ANK2: variants seen among roughly 807,000 people sequenced by gnomAD.
ANK2 encodes the protein ankyrin-2.
In ANK2, 83 loss-of-function variants were observed where a neutral mutation model predicts 360.5. That is an observed-to-expected ratio of 0.23 (90% CI 0.19 to 0.28). The LOEUF is 0.28. ANK2 is among the 10% of genes least tolerant of loss of function. The pLI, the probability that ANK2 is intolerant of heterozygous loss-of-function variation, is 1.00. For missense variants in ANK2, 4,201 were observed against 4,795.7 expected (o/e 0.88, Z 3.66); for synonymous variants, 1,740 against 1,759.5 (o/e 0.99, Z 0.28).
At chr4:113,076,255 G>A (rs1012454145) in intron 1 of ANK2, among the ~76,000 whole-genome samples, 1 of 152,218 alleles carries the variant, frequency 6.6e-6, no homozygotes, top group Non-Finnish European at 1.5e-5. Flanking sequence ...TTACAAAATT[G>A]TGTTGGGCTG....
the ANK2 span, among the ~76,000 whole-genome samples, chr4:112,706,473 T>G: frequency 6.6e-6 from 1 of 152,074 alleles, no homozygotes; most frequent in Non-Finnish European, 1.5e-5. Context: ...GTGTAACTTC[T>G]GAACGCACGC....
intron 14 of ANK2, among the ~76,000 whole-genome samples, chr4:113,268,863 G>T (rs1347703511): frequency 2.0e-5 from 3 of 152,146 alleles, no homozygotes; most frequent in African/African-American, 7.2e-5. Context: ...ATTCAGCTGT[G>T]AATCCGTCTG....
At chr4:113,292,911 C>T (rs2068577854) in intron 21 of ANK2, 2 of 359,088 alleles carry the variant, frequency 5.6e-6, no homozygotes, top group Non-Finnish European at 1.1e-5. Flanking sequence ...GTAAACTAAG[C>T]GGTGCAATTA....
At chr4:112,911,289 C>T (rs80299725) in intron 2 of ANK2, among the ~76,000 whole-genome samples, 1 of 148,676 alleles carries the variant, frequency 6.7e-6, no homozygotes, top group Non-Finnish European at 1.5e-5. Context: ...GGGCGGATCA[C>T]GAGGTCAGGA....
At chr4:113,370,938 C>G (rs906228331) in intron 43 of ANK2, among the ~76,000 whole-genome samples, 8 of 151,818 alleles carry the variant, frequency 5.3e-5, no homozygotes, top group Non-Finnish European at 8.8e-5. Context: ...AGAGGATTCT[C>G]AGCCACAAAA....
intron 2 of ANK2, among the ~76,000 whole-genome samples, chr4:113,038,054 T>C (rs1295361090): frequency 2.6e-5 from 4 of 152,080 alleles, no homozygotes; most frequent in Non-Finnish European, 4.4e-5. Context: ...TTCTAAGTTA[T>C]GATATACTTT....
chr4:112,759,468 T>G, the ANK2 span, among the ~76,000 whole-genome samples: 2 of 152,172 alleles, frequency 1.3e-5, no homozygotes, highest in East Asian at 3.9e-4. Flanking sequence ...TTACCACATT[T>G]GAATAGCTAT....
chr4:113,217,822 T>A (rs2099103917), intron 4 of ANK2, among the ~76,000 whole-genome samples: 1 of 152,222 alleles, frequency 6.6e-6, no homozygotes, highest in Admixed American at 6.5e-5. Context: ...GTTCCATGTG[T>A]TGTCTACGTG....
chr4:113,120,755 C>T (rs1000236379), intron 1 of ANK2, among the ~76,000 whole-genome samples: 1 of 152,094 alleles, frequency 6.6e-6, no homozygotes, highest in Non-Finnish European at 1.5e-5. Flanking sequence ...TCCTGTCCCT[C>T]CTCCCAACCT....
At chr4:113,056,083 G>GTATC (rs1376330685) in intron 1 of ANK2, among the ~76,000 whole-genome samples, 1 of 152,136 alleles carries the variant, frequency 6.6e-6, no homozygotes, top group Non-Finnish European at 1.5e-5. Flanking sequence ...TGTTGTAGAT[G>GTATC]TATCCATCAG....
intron 2 of ANK2, among the ~76,000 whole-genome samples, chr4:112,961,060 GT>G (rs61530543): frequency 0.027 from 3,738 of 139,338 alleles, 60 homozygotes; most frequent in Middle Eastern, 0.042. Flanking sequence ...CTAAATAACT[GT>G]TTTTTTTTTT....
the ANK2 span, among the ~76,000 whole-genome samples, chr4:112,705,832 A>G: frequency 6.6e-6 from 1 of 152,084 alleles, no homozygotes; most frequent in African/African-American, 2.4e-5. Flanking sequence ...TTCAGAGCAC[A>G]CGCGCCGGGC....
chr4:112,774,798 C>G, the ANK2 span, among the ~76,000 whole-genome samples: 4 of 152,142 alleles, frequency 2.6e-5, no homozygotes, highest in African/African-American at 9.7e-5. Flanking sequence ...GAGGCAGGGG[C>G]TTAAAAACTT....
Position 113,373,096 on chromosome 4 carries a change from G to T in ANK2, c.11617G>T (p.Asp3873Tyr). The T allele has an allele frequency of 6.2e-7, 1 of 1,613,904 alleles. No individual in the cohort carries two copies. Among genetic ancestry groups the T allele is most frequent in the Non-Finnish European group, 8.5e-7 (1 of 1,179,816 alleles). ...TTTTCTCTCAACTGTTTAGGGAGACGATATGCCTGAAATACCCCCAGAAAC... is the reference window on the plus strand; with the variant it reads ...TTTTCTCTCAACTGTTTAGGGAGACTATATGCCTGAAATACCCCCAGAAAC... Reference protein sequence around the residue: ...DEDAAFEKGDDMPEIPPETVT... With the variant: ...DEDAAFEKGDYMPEIPPETVT... The change falls in exon 44 of 46, where the codon GAT (aspartate) becomes TAT (tyrosine). Residue 3873 changes from aspartate to tyrosine, a missense_variant. Physicochemically the swap from Asp to Tyr is radical, Grantham distance 160. Transcript: ENST00000357077.
At position 113,231,459 on chromosome 4, in the gene ANK2, A is replaced by G. The variant is rs138407793; in HGVS notation, c.385-702A>G. Among the ~76,000 whole-genome samples, 615 of 152,324 alleles carry G rather than the reference A, an allele frequency of 4.0e-3. 5 individuals carry two copies. The highest frequency in any genetic ancestry group is 0.014 in the African/African-American group (580 of 41,554). The stretch of plus-strand genomic sequence containing the variant: ...TAACTAAACTCTGTATATTCAAGAT[A>G]ACCATGGTCTGTTTAAATAGTTTAT... On this transcript the variant is annotated intron_variant, in intron 4 of 45. Coordinates refer to ENST00000357077, the MANE Select transcript of ANK2 (RefSeq NM_001148.6).
At chr4:112,725,521 C>T in the ANK2 span, among the ~76,000 whole-genome samples, 486 of 151,430 alleles carry the variant, frequency 3.2e-3, 2 homozygotes, top group African/African-American at 0.011. Context: ...TCACCATGCC[C>T]GGCTGTTTTT....
chr4:112,918,668 T>G (rs1211540659), intron 2 of ANK2, among the ~76,000 whole-genome samples: 6 of 152,232 alleles, frequency 3.9e-5, no homozygotes, highest in Non-Finnish European at 7.3e-5. Flanking sequence ...TGTGATCTAC[T>G]GTCTTCTTAA....
At chr4:112,910,434 A>G (rs756162549) in intron 2 of ANK2, among the ~76,000 whole-genome samples, 26 of 152,218 alleles carry the variant, frequency 1.7e-4, no homozygotes, top group Non-Finnish European at 5.9e-5. Flanking sequence ...AAAGAGAAAC[A>G]CTTATAAGAA....
intron 2 of ANK2, among the ~76,000 whole-genome samples, chr4:113,007,829 G>T (rs1008697295): frequency 2.6e-5 from 4 of 152,048 alleles, no homozygotes; most frequent in African/African-American, 9.7e-5. Flanking sequence ...GCTAGTATTG[G>T]AGTGGACTGC....
Sources: gnomAD v4.1 joint callset for allele counts (sites outside exome capture counted in the v4.1 genomes callset) on GRCh38, gnomAD v4.1.1 for gene constraint, MANE v1.5 for transcripts, NCBI Gene and HGNC (gene_info 2026-07-23, HGNC 2026-07-21) for gene names.